Variants in IRAK4 observed in about 807,000 individuals in gnomAD.
IRAK4 encodes the protein interleukin 1 receptor associated kinase 4.
A neutral mutation model predicts 51.8 loss-of-function variants in IRAK4; 44 were observed. The ratio of observed to expected loss-of-function variants is 0.85; its 90% CI spans 0.67 to 1.09. The LOEUF (loss-of-function observed/expected upper bound fraction) is 1.09, where lower values mean the gene tolerates loss of function less well. IRAK4 is among the 50% of genes least tolerant of loss of function. The probability of loss-of-function intolerance (pLI) is 0.00; values close to 1 mark genes in which losing one functional copy is unlikely to be tolerated. For missense variants in IRAK4, 487 were observed against 538.0 expected (o/e 0.91, Z 0.94); for synonymous variants, 149 against 174.1 (o/e 0.86, Z 1.13).
At chr12:43,759,855 G>T (rs561399651) in intron 1 of IRAK4, among the ~76,000 whole-genome samples, 1 of 146,670 alleles carries the variant, frequency 6.8e-6, no homozygotes, top group African/African-American at 2.5e-5. Flanking sequence ...GCAACAGAGG[G>T]AGACTCCGTC....
At chr12:43,783,192 T>A (rs1309830915) in intron 9 of IRAK4, among the ~76,000 whole-genome samples, 1 of 152,172 alleles carries the variant, frequency 6.6e-6, no homozygotes, top group Non-Finnish European at 1.5e-5. Flanking sequence ...TCATGTTCTT[T>A]CCACTTTAAT....
chr12:43,770,111 G>A (rs969426271), intron 2 of IRAK4, among the ~76,000 whole-genome samples: 1 of 152,076 alleles, frequency 6.6e-6, no homozygotes, highest in African/African-American at 2.4e-5. Flanking sequence ...AAAATCTTTA[G>A]AGGAAAAACA....
chr12:43,774,744 A>G (rs2137969569), intron 6 of IRAK4, among the ~76,000 whole-genome samples: 1 of 152,334 alleles, frequency 6.6e-6, no homozygotes, highest in South Asian at 2.1e-4. Flanking sequence ...GGATGCTTAG[A>G]AGGCATTGAT....
At chr12:43,779,386 G>T (rs1156414348) in intron 8 of IRAK4, among the ~76,000 whole-genome samples, 1 of 152,164 alleles carries the variant, frequency 6.6e-6, no homozygotes, top group Non-Finnish European at 1.5e-5. Flanking sequence ...TCAAGGTAAG[G>T]CTTTTAGTTT....
intron 6 of IRAK4, among the ~76,000 whole-genome samples, chr12:43,774,308 G>C (rs942542908): frequency 6.6e-6 from 1 of 152,116 alleles, no homozygotes; most frequent in African/African-American, 2.4e-5. Context: ...GCAGTGGCAT[G>C]ATCTCGGCTC....
In IRAK4 at chr12:43,787,322, T is replaced by C. The variant is rs1172468867; in HGVS notation, c.*607T>C. On this transcript the variant is annotated 3_prime_UTR_variant, in exon 12 of 12. Coordinates refer to ENST00000613694, the MANE Select transcript of IRAK4 (RefSeq NM_016123.4). ...AAAATATCCCTTGATGATACTGCCA[T>C]AATGATATGTCCATTATTAGATTAT... 2.0e-5 allele frequency: 3 copies of C among 152,926 alleles called. No individual in the cohort carries two copies. Among genetic ancestry groups the C allele is most frequent in the African/African-American group, 7.2e-5 (3 of 41,468 alleles). The allele number at this position is 152,926 out of a possible 1,614,324, so 9.5% of individuals were successfully genotyped here.
At chr12:43,773,464 A>C (rs1475838537) in intron 5 of IRAK4, among the ~76,000 whole-genome samples, 3 of 152,170 alleles carry the variant, frequency 2.0e-5, no homozygotes, top group African/African-American at 4.8e-5. Context: ...TTAAGAAAAA[A>C]CATTAAAATT....
chr12:43,772,679 G>A (rs1043397878), intron 4 of IRAK4, among the ~76,000 whole-genome samples: 1 of 152,186 alleles, frequency 6.6e-6, no homozygotes, highest in African/African-American at 2.4e-5. Flanking sequence ...CCACTCAAAT[G>A]TGTGACTAGA....
At chr12:43,765,406 T>C (rs1232517076) in intron 1 of IRAK4, among the ~76,000 whole-genome samples, 1 of 152,232 alleles carries the variant, frequency 6.6e-6, no homozygotes, top group Non-Finnish European at 1.5e-5. Flanking sequence ...CTGCTGATTT[T>C]CTGGGGGCAT....
chr12:43,769,746 C>A (rs1006439282), intron 2 of IRAK4, among the ~76,000 whole-genome samples: 1 of 152,170 alleles, frequency 6.6e-6, no homozygotes, highest in Non-Finnish European at 1.5e-5. Flanking sequence ...ACTTCCTTCA[C>A]CAAGTGATCA....
chr12:43,785,459 C>T (rs1313056246), intron 10 of IRAK4, among the ~76,000 whole-genome samples: 1 of 151,910 alleles, frequency 6.6e-6, no homozygotes, highest in Non-Finnish European at 1.5e-5. Flanking sequence ...CTATTAGAAG[C>T]ACATCAAGAA....
At chr12:43,785,101 G>A (rs980828659) in intron 10 of IRAK4, among the ~76,000 whole-genome samples, 1 of 152,136 alleles carries the variant, frequency 6.6e-6, no homozygotes, top group African/African-American at 2.4e-5. Flanking sequence ...ACTCCAGAGA[G>A]AATCTTGCCT....
In IRAK4 at chr12:43,789,370, A is replaced by G. The variant is rs1257083851; in HGVS notation, c.*2655A>G. ...GGGGCCTTCATCAAAGGCCAGGCAA[A>G]TATTGGTGCCGTGCTAGTATGGCCT... On this transcript the variant is annotated 3_prime_UTR_variant, in exon 12 of 12. Coordinates refer to ENST00000613694, the MANE Select transcript of IRAK4 (RefSeq NM_016123.4). The G allele has an allele frequency of 6.6e-6, 1 of 152,180 alleles. No individual in the cohort carries two copies. Among genetic ancestry groups the G allele is most frequent in the Non-Finnish European group, 1.5e-5 (1 of 68,036 alleles). 9.4% of individuals were successfully genotyped at this position (152,180 alleles called of 1,614,324 possible). A position where few individuals can be genotyped will look rare whatever the true frequency, so the allele number is the denominator to read the frequency against.
chr12:43,769,757 A>G (rs1940552326), intron 2 of IRAK4, among the ~76,000 whole-genome samples: 1 of 152,220 alleles, frequency 6.6e-6, no homozygotes. Flanking sequence ...CAAGTGATCA[A>G]ACTTTAGCAC....
chr12:43,767,121 A>G (rs1415116875), intron 1 of IRAK4, among the ~76,000 whole-genome samples: 17 of 152,228 alleles, frequency 1.1e-4, no homozygotes, highest in Admixed American at 1.1e-3. Context: ...TATTTTTAAA[A>G]TATATATAGG....
Position 43,788,755 on chromosome 12 carries a change from A to G in IRAK4, c.*2040A>G, listed in dbSNP as rs371821781. The G allele has an allele frequency of 8.6e-5, 13 of 151,868 alleles. No homozygotes were observed. The highest frequency in any genetic ancestry group is 5.8e-4 in the East Asian group (3 of 5,152). The allele number at this position is 151,868 out of a possible 1,614,324, so 9.4% of individuals were successfully genotyped here. On this transcript the variant is annotated 3_prime_UTR_variant, in exon 12 of 12. Transcript: ENST00000613694. ...ATGGGGTTTCACTGTGTTAGCCAGGATGGTCTTGATCTCCTGACCTCGTGA... is the reference window on the plus strand; with the variant it reads ...ATGGGGTTTCACTGTGTTAGCCAGGGTGGTCTTGATCTCCTGACCTCGTGA...
In IRAK4 at chr12:43,788,447, C is replaced by T. The variant is rs1202127376; in HGVS notation, c.*1732C>T. The T allele has an allele frequency of 6.6e-6, 1 of 152,292 alleles. No individual in the cohort carries two copies. Among genetic ancestry groups the T allele is most frequent in the Non-Finnish European group, 1.5e-5 (1 of 68,142 alleles). 9.4% of individuals were successfully genotyped at this position (152,292 alleles called of 1,614,324 possible). ...GAGGGAAGCCACGCACCCTGCAAAG[C>T]CACAGGAGTGGAGCTGCCCACGGCC... On this transcript the variant is annotated 3_prime_UTR_variant, in exon 12 of 12. Transcript: ENST00000613694.
In IRAK4 at chr12:43,789,529, C is replaced by A. The variant is rs1271871767; in HGVS notation, c.*2814C>A. The A allele has an allele frequency of 6.6e-6, 1 of 152,148 alleles. No individual in the cohort carries two copies. Among genetic ancestry groups the A allele is most frequent in the Non-Finnish European group, 1.5e-5 (1 of 68,020 alleles). 9.4% of individuals were successfully genotyped at this position (152,148 alleles called of 1,614,324 possible). On this transcript the variant is annotated 3_prime_UTR_variant, in exon 12 of 12. Transcript: ENST00000613694. ...AGTTATAGATTGTTTTTATTAAACA[C>A]TTATGAATACTGTTTGAAGTGCTTT...
At chr12:43,768,740 G>C (rs1367410345) in intron 2 of IRAK4, 1 of 153,438 alleles carries the variant, frequency 6.5e-6, no homozygotes, top group Non-Finnish European at 1.4e-5. Context: ...ACACTTCTGT[G>C]CACAGAATTC....
Sources: allele counts gnomAD v4.1 joint callset (sites outside exome capture counted in the v4.1 genomes callset), GRCh38; gene constraint gnomAD v4.1.1; transcripts MANE v1.5; gene names NCBI Gene and HGNC (gene_info 2026-07-23, HGNC 2026-07-21).